PRKX: variants seen among roughly 807,000 people sequenced by gnomAD.
PRKX encodes the protein cAMP-dependent protein kinase catalytic subunit PRKX.
PRKX carries 12 observed loss-of-function variants against 22.0 expected under a neutral mutation model. The observed-to-expected ratio is 0.54, with a 90% CI of 0.35 to 0.88. PRKX has a LOEUF of 0.88. PRKX is among the 40% of genes least tolerant of loss of function. PRKX has a pLI of 0.01. For missense variants in PRKX, 217 were observed against 308.0 expected (o/e 0.70, Z 2.21); for synonymous variants, 134 against 137.7 (o/e 0.97, Z 0.19).
intron 3 of PRKX, among the ~76,000 whole-genome samples, chrX:3,648,180 G>A (rs1015083122): frequency 4.0e-4 from 45 of 111,602 alleles, no homozygotes; most frequent in African/African-American, 1.3e-3. Context: ...AGAGCCAGAC[G>A]GCAAATATTT....
chrX:3,623,634 C>A (rs1251244793), intron 5 of PRKX, among the ~76,000 whole-genome samples: 2 of 111,493 alleles, frequency 1.8e-5, no homozygotes, highest in African/African-American at 6.5e-5. Flanking sequence ...TGAGAAGAGG[C>A]CCCTGAAGAT....
chrX:3,619,753 C>A lies in PRKX; in HGVS notation c.873+1506G>T, dbSNP rs749673879. ...AAAGCAGAAATTCCTGTTGTTTAAGCCCCTAGTTTGTGGTCAGTTCTTATG... is the reference window on the plus strand; with the variant it reads ...AAAGCAGAAATTCCTGTTGTTTAAGACCCTAGTTTGTGGTCAGTTCTTATG... On this transcript the variant is annotated intron_variant, in intron 6 of 8. Transcript: ENST00000262848. Among the ~76,000 whole-genome samples, 10 of 111,407 alleles carry A rather than the reference C, an allele frequency of 9.0e-5. No individual in the cohort carries two copies. The South Asian group carries it at 3.4e-3, about 38-fold the overall frequency.
intron 1 of PRKX, among the ~76,000 whole-genome samples, chrX:3,686,380 C>T (rs6641849): frequency 0.15 from 15,624 of 107,538 alleles, 984 homozygotes; most frequent in East Asian, 0.39. Context: ...TCTCTACTTA[C>T]GATCCCAGAA....
rs185067311 is a variant in PRKX at position 3,688,378 on chromosome X, G to A, written c.167-13612C>T. Among the ~76,000 whole-genome samples, 830 of 98,774 alleles carry A rather than the reference G, an allele frequency of 8.4e-3. 76 individuals are homozygous for A. Among genetic ancestry groups the A allele is most frequent in the South Asian group, 0.014 (27 of 1,867 alleles). The allele number at this position is 98,774 out of a possible 115,157, so 85.8% of individuals were successfully genotyped here. A position where few individuals can be genotyped will look rare whatever the true frequency, so the allele number is the denominator to read the frequency against. On this transcript the variant is annotated intron_variant, in intron 1 of 8. Transcript: ENST00000262848. ...GGAGAATTGCTTAAACCTGGGAAGC[G>A]GAGGCTGCAGTGAGCCAAGATCACA... is the stretch of plus-strand genomic sequence containing the variant.
At chrX:3,693,713 G>A (rs1487747924) in intron 1 of PRKX, among the ~76,000 whole-genome samples, 2 of 109,475 alleles carry the variant, frequency 1.8e-5, no homozygotes, top group Non-Finnish European at 3.8e-5. Flanking sequence ...TGAGGCGGAC[G>A]GATCACGAGG....
chrX:3,711,989 T>A (rs981937277), intron 1 of PRKX, among the ~76,000 whole-genome samples: 1 of 111,772 alleles, frequency 8.9e-6, no homozygotes, highest in Non-Finnish European at 1.9e-5. Context: ...GGGCCCTTCC[T>A]CAAGGTCTAA....
At chrX:3,707,975 C>T (rs921718657) in intron 1 of PRKX, among the ~76,000 whole-genome samples, 6 of 112,153 alleles carry the variant, frequency 5.3e-5, no homozygotes, top group African/African-American at 1.9e-4. Flanking sequence ...AGTTCAGATG[C>T]CATTCGTCCC....
intron 7 of PRKX, among the ~76,000 whole-genome samples, chrX:3,614,955 GCA>G (rs911632102): frequency 3.8e-5 from 4 of 105,324 alleles, no homozygotes; most frequent in African/African-American, 1.4e-4. Context: ...ACTTCTCTGA[GCA>G]CAGTCTCCTC....
chrX:3,677,312 A>G (rs1927980190), intron 1 of PRKX, among the ~76,000 whole-genome samples: 2 of 84,055 alleles, frequency 2.4e-5, no homozygotes, highest in South Asian at 1.2e-3. Context: ...GGTAGATCAC[A>G]TTATATTGTT....
chrX:3,677,276 T>C (rs1381314772), intron 1 of PRKX, among the ~76,000 whole-genome samples: 1 of 109,796 alleles, frequency 9.1e-6, no homozygotes, highest in African/African-American at 3.3e-5. Context: ...AATAGTAAAA[T>C]TGTATATATG....
chrX:3,640,456 G>A (rs945004918), intron 4 of PRKX, among the ~76,000 whole-genome samples: 1 of 112,098 alleles, frequency 8.9e-6, no homozygotes, highest in African/African-American at 3.2e-5. Flanking sequence ...CCACGTCCTG[G>A]GTTTCCAAGT....
At chrX:3,616,513 C>T (rs1277246599) in intron 6 of PRKX, among the ~76,000 whole-genome samples, 1 of 111,757 alleles carries the variant, frequency 8.9e-6, no homozygotes, top group African/African-American at 3.3e-5. Flanking sequence ...ATCCGTAAAC[C>T]TCACTCTGCT....
Position 3,606,284 on chromosome X carries a change from C to T in PRKX, c.*2685G>A, listed in dbSNP as rs1603472628. 8.9e-6 allele frequency: 1 copy of T among 112,797 alleles called. No individual in the cohort carries two copies. Among genetic ancestry groups the T allele is most frequent in the Non-Finnish European group, 1.9e-5 (1 of 53,363 alleles). 9.3% of individuals were successfully genotyped at this position (112,797 alleles called of 1,213,427 possible). ...CGGACATTCTGCACCGTGATTGTTT[C>T]GTGATCATCCATGCGGACATTTCGC... is the stretch of plus-strand genomic sequence containing the variant. On this transcript the variant is annotated 3_prime_UTR_variant, in exon 9 of 9. Coordinates refer to ENST00000262848, the MANE Select transcript of PRKX (RefSeq NM_005044.5).
chrX:3,705,852 T>A (rs1215859204), intron 1 of PRKX, among the ~76,000 whole-genome samples: 4 of 106,184 alleles, frequency 3.8e-5, no homozygotes, highest in African/African-American at 1.4e-4. Context: ...CACACCCGGC[T>A]AATTTTTTTT....
chrX:3,624,798 T>G (rs1419845411), intron 5 of PRKX, among the ~76,000 whole-genome samples: 1 of 109,777 alleles, frequency 9.1e-6, no homozygotes, highest in African/African-American at 3.3e-5. Context: ...TTTTAAATTT[T>G]TTGTAGACAT....
At chrX:3,613,483 G>A (rs1926349340) in intron 7 of PRKX, among the ~76,000 whole-genome samples, 1 of 110,049 alleles carries the variant, frequency 9.1e-6, no homozygotes, top group African/African-American at 3.3e-5. Flanking sequence ...TAGATAAAAC[G>A]TATTCAAATT....
intron 1 of PRKX, among the ~76,000 whole-genome samples, chrX:3,694,636 C>T (rs1928409283): frequency 9.0e-6 from 1 of 111,149 alleles, no homozygotes; most frequent in Admixed American, 9.6e-5. Flanking sequence ...AAGATATATT[C>T]ACATCCTCAT....
intron 4 of PRKX, among the ~76,000 whole-genome samples, chrX:3,640,258 C>T (rs145011291): frequency 0.091 from 9,976 of 109,690 alleles, 459 homozygotes; most frequent in Non-Finnish European, 0.14. Context: ...CTCCCCCAAC[C>T]GGTGTTCTGG....
chrX:3,630,371 T>C (rs989330996), intron 4 of PRKX, among the ~76,000 whole-genome samples: 6 of 110,766 alleles, frequency 5.4e-5, no homozygotes, highest in Middle Eastern at 4.2e-3. Flanking sequence ...CCATCCTGGC[T>C]AACACAGTGA....
Sources: allele counts gnomAD v4.1 joint callset (sites outside exome capture counted in the v4.1 genomes callset), GRCh38; gene constraint gnomAD v4.1.1; transcripts MANE v1.5; gene names NCBI Gene and HGNC (gene_info 2026-07-23, HGNC 2026-07-21).